The following DCDC1 variants were observed in gnomAD, a reference collection of about 807,000 sequenced individuals.
DCDC1 encodes doublecortin domain-containing protein 1.
Under a neutral mutation model 178.3 loss-of-function variants are expected in DCDC1, and 200 were observed. That is an observed-to-expected ratio of 1.12 (90% CI 1.00 to 1.26). The LOEUF (loss-of-function observed/expected upper bound fraction) is 1.26. Ranked by LOEUF, DCDC1 falls within the 50% of genes most tolerant of loss-of-function variation. DCDC1 has a pLI of 0.00. For missense variants in DCDC1, 1,983 were observed against 1,749.2 expected (o/e 1.13, Z -2.38); for synonymous variants, 690 against 604.8 (o/e 1.14, Z -2.07).
intron 9 of DCDC1, among the ~76,000 whole-genome samples, chr11:31,187,257 T>G (rs1372017394): frequency 2.0e-5 from 3 of 152,208 alleles, no homozygotes; most frequent in Non-Finnish European, 1.5e-5. Context: ...TCTAATGCCA[T>G]TGGTGCATGC....
intron 1 of DCDC1, among the ~76,000 whole-genome samples, chr11:31,341,965 A>G (rs1384309117): frequency 1.3e-5 from 2 of 152,140 alleles, no homozygotes; most frequent in Admixed American, 1.3e-4. Context: ...GCAAGGACCA[A>G]TAGCGCCTGT....
intron 37 of DCDC1, 26 bp from the exon 38 acceptor site, chr11:30,878,737 T>C: frequency 6.6e-7 from 1 of 1,509,180 alleles, no homozygotes. Context: ...AAAAAAGAAG[T>C]TGAGAGACAA....
intron 8 of DCDC1, among the ~76,000 whole-genome samples, chr11:31,242,674 A>G (rs1254296897): frequency 1.3e-5 from 2 of 151,870 alleles, no homozygotes; most frequent in South Asian, 2.1e-4. Context: ...TAGTTATGTT[A>G]TATGTTGCAT....
intron 8 of DCDC1, among the ~76,000 whole-genome samples, chr11:31,248,673 A>G (rs988050177): frequency 6.6e-5 from 10 of 152,152 alleles, no homozygotes; most frequent in African/African-American, 2.4e-4. Flanking sequence ...AGAGAGATTT[A>G]TACTTTAAAT....
chr11:31,103,092 G>A (rs1958613376), intron 14 of DCDC1, among the ~76,000 whole-genome samples: 1 of 152,126 alleles, frequency 6.6e-6, no homozygotes, highest in East Asian at 1.9e-4. Context: ...CTGGCCTATG[G>A]TCAACACTCA....
Position 31,304,128 on chromosome 11 carries a change from A to G in DCDC1, c.754+1487T>C, listed in dbSNP as rs181161144. Among the ~76,000 whole-genome samples, 281 of 152,342 alleles carry G rather than the reference A, an allele frequency of 1.8e-3. 2 individuals carry two copies. Among genetic ancestry groups the G allele is most frequent in the African/African-American group, 6.5e-3 (269 of 41,586 alleles). Reference sequence around the variant, plus strand: ...AAAGTAGGAGGAAATTAGTTAGTACATTTAAAAATCATCCACCAAGCTCAG... The same window carrying G: ...AAAGTAGGAGGAAATTAGTTAGTACGTTTAAAAATCATCCACCAAGCTCAG... On this transcript the variant is annotated intron_variant, in intron 6 of 38. Coordinates refer to ENST00000684477, the MANE Select transcript of DCDC1 (RefSeq NM_001387274.1).
In DCDC1 at chr11:31,004,554, G is replaced by T. The variant is rs186515231; in HGVS notation, c.2592-51986C>A. ...AAAAATTAGCTGGGCGTGGAGGCAG[G>T]CTCCTGTAGTCCCAGCTACTCGGGA... On this transcript the variant is annotated intron_variant, in intron 20 of 38. Coordinates refer to ENST00000684477, the MANE Select transcript of DCDC1 (RefSeq NM_001387274.1). Among the ~76,000 whole-genome samples, 67 of 151,592 alleles carry T rather than the reference G, an allele frequency of 4.4e-4. No homozygotes were observed. In the East Asian group the frequency reaches 0.012, roughly 26 times the overall value.
chr11:31,224,251 CAT>C (rs1018009289), intron 9 of DCDC1, among the ~76,000 whole-genome samples: 1 of 151,520 alleles, frequency 6.6e-6, no homozygotes. Context: ...TATACATATA[CAT>C]ATATATATAA....
intron 38 of DCDC1, among the ~76,000 whole-genome samples, chr11:30,871,341 C>G (rs112206100): frequency 1.3e-5 from 2 of 152,060 alleles, no homozygotes; most frequent in Non-Finnish European, 2.9e-5. Flanking sequence ...GGGACCCAGA[C>G]AGGCATGCGT....
chr11:31,351,886 C>T (rs1421206945), intron 1 of DCDC1, among the ~76,000 whole-genome samples: 2 of 152,092 alleles, frequency 1.3e-5, no homozygotes, highest in Non-Finnish European at 2.9e-5. Flanking sequence ...ATATAATCTT[C>T]CTATTTACAG....
At chr11:31,337,485 A>G (rs185331016) in intron 1 of DCDC1, among the ~76,000 whole-genome samples, 6 of 152,302 alleles carry the variant, frequency 3.9e-5, no homozygotes, top group Admixed American at 3.9e-4. Flanking sequence ...TCTGGAAAAC[A>G]CAGTGAGACC....
At chr11:31,050,913 A>T (rs1307646337) in intron 20 of DCDC1, among the ~76,000 whole-genome samples, 2 of 152,170 alleles carry the variant, frequency 1.3e-5, no homozygotes, top group East Asian at 3.9e-4. Context: ...ATAATATGAC[A>T]AAACAAGGCT....
chr11:31,158,979 T>C (rs558109275), intron 9 of DCDC1, among the ~76,000 whole-genome samples: 94 of 151,328 alleles, frequency 6.2e-4, no homozygotes, highest in Non-Finnish European at 1.1e-3. Context: ...ACAAAAAACA[T>C]ACCAATAATA....
chr11:31,091,011 T>C (rs1375836296), intron 17 of DCDC1, among the ~76,000 whole-genome samples: 1 of 152,198 alleles, frequency 6.6e-6, no homozygotes, highest in Non-Finnish European at 1.5e-5. Context: ...GTGATTATTC[T>C]TTCACAGTTC....
chr11:31,246,360 A>C (rs1429195973), intron 8 of DCDC1, among the ~76,000 whole-genome samples: 1 of 152,036 alleles, frequency 6.6e-6, no homozygotes, highest in East Asian at 1.9e-4. Context: ...TTTGGCAGCA[A>C]GCTGCAGATC....
At chr11:31,293,119 T>A (rs908678526) in intron 6 of DCDC1, among the ~76,000 whole-genome samples, 5 of 152,164 alleles carry the variant, frequency 3.3e-5, no homozygotes, top group African/African-American at 1.2e-4. Flanking sequence ...TAAAATTACC[T>A]AACATATCGA....
At chr11:31,101,420 T>C (rs1470597245) in intron 15 of DCDC1, among the ~76,000 whole-genome samples, 1 of 152,176 alleles carries the variant, frequency 6.6e-6, no homozygotes, top group Non-Finnish European at 1.5e-5. Flanking sequence ...TGTAAATTGA[T>C]ATGGACCTTC....
intron 9 of DCDC1, among the ~76,000 whole-genome samples, chr11:31,213,388 A>G (rs1274101022): frequency 6.6e-6 from 1 of 151,834 alleles, no homozygotes; most frequent in Non-Finnish European, 1.5e-5. Flanking sequence ...CTAAAGTAGG[A>G]GTATTAAATC....
intron 20 of DCDC1, among the ~76,000 whole-genome samples, chr11:31,006,883 A>T (rs1444396992): frequency 6.6e-6 from 1 of 152,222 alleles, no homozygotes; most frequent in African/African-American, 2.4e-5. Flanking sequence ...AAAAAATATA[A>T]AATTCTCCCA....
Sources: allele counts gnomAD v4.1 joint callset (sites outside exome capture counted in the v4.1 genomes callset), GRCh38; gene constraint gnomAD v4.1.1; transcripts MANE v1.5; gene names NCBI Gene and HGNC (gene_info 2026-07-23, HGNC 2026-07-21).